GRIN2A: variants seen among roughly 807,000 people sequenced by gnomAD.
GRIN2A encodes glutamate ionotropic receptor NMDA type subunit 2A, also known as glutamate receptor ionotropic, NMDA 2A.
GRIN2A carries 22 observed loss-of-function variants against 113.4 expected under a neutral mutation model. That is an observed-to-expected ratio of 0.19 (90% CI 0.14 to 0.28). The LOEUF is 0.28. Among genes scored for constraint, GRIN2A ranks in the 10% least tolerant of loss-of-function variants. The pLI, the probability that GRIN2A is intolerant of heterozygous loss-of-function variation, is 1.00. For missense variants in GRIN2A, 1,502 were observed against 1,887.0 expected, an observed-to-expected ratio of 0.80 and a Z score of 3.78; for synonymous variants, 827 against 738.4, an observed-to-expected ratio of 1.12 and a Z score of -1.94.
At chr16:10,146,239 T>G (rs1266039050) in intron 2 of GRIN2A, among the ~76,000 whole-genome samples, 1 of 152,194 alleles carries the variant, frequency 6.6e-6, no homozygotes, top group Non-Finnish European at 1.5e-5. Context: ...TGCCTCAGCC[T>G]CCTGAGTAGC....
At chr16:10,004,714 G>A (rs1302547207) in intron 2 of GRIN2A, among the ~76,000 whole-genome samples, 1 of 152,132 alleles carries the variant, frequency 6.6e-6, no homozygotes, top group African/African-American at 2.4e-5. Flanking sequence ...CCTGGTAGTA[G>A]AATCTCCCTG....
chr16:9,823,856 CT>C (rs2042334945), intron 9 of GRIN2A, among the ~76,000 whole-genome samples: 1 of 152,150 alleles, frequency 6.6e-6, no homozygotes, highest in African/African-American at 2.4e-5. Flanking sequence ...GCTATTGACT[CT>C]CTCCTCATCT....
At chr16:9,878,220 T>C (rs1015031410) in intron 4 of GRIN2A, among the ~76,000 whole-genome samples, 5 of 152,194 alleles carry the variant, frequency 3.3e-5, no homozygotes, top group Non-Finnish European at 7.3e-5. Context: ...ATGTTCCATA[T>C]GACCGAATGT....
In GRIN2A at chr16:9,925,111, T is replaced by C. The variant is rs116353257; in HGVS notation, c.1007+12848A>G. Among the ~76,000 whole-genome samples, 836 of 152,350 alleles carry C rather than the reference T, an allele frequency of 5.5e-3. 6 individuals are homozygous for C. The highest frequency in any genetic ancestry group is 0.017 in the African/African-American group (715 of 41,572). The stretch of plus-strand genomic sequence containing the variant: ...CTTTTTTCGTGCTGATATTTTTGTA[T>C]TACTATAAATATCACTGAGCTCTGT... On this transcript the variant is annotated intron_variant, in intron 3 of 12. Transcript: ENST00000330684.
At chr16:9,984,598 G>C (rs533673752) in intron 2 of GRIN2A, among the ~76,000 whole-genome samples, 25 of 152,118 alleles carry the variant, frequency 1.6e-4, no homozygotes, top group African/African-American at 6.0e-4. Context: ...CACCATTTCT[G>C]CTGTAGCTGT....
intron 2 of GRIN2A, among the ~76,000 whole-genome samples, chr16:10,032,083 A>G (rs1158443331): frequency 6.6e-6 from 1 of 152,200 alleles, no homozygotes; most frequent in Non-Finnish European, 1.5e-5. Flanking sequence ...CTTTTTTGAA[A>G]TATGTCCCTC....
rs565739608 is a variant in GRIN2A at position 10,019,282 on chromosome 16, T to G, written c.415-80731A>C. The stretch of plus-strand genomic sequence containing the variant: ...TGTCTGGCATGTGACAAGCATTTGA[T>G]ACATGAAAGCTACTGTTTATCATTG... On this transcript the variant is annotated intron_variant, in intron 2 of 12. Coordinates refer to ENST00000330684, the MANE Select transcript of GRIN2A (RefSeq NM_001134407.3). 2.0e-4 allele frequency among the ~76,000 whole-genome samples: 30 copies of G among 152,346 alleles called. No homozygotes were observed. The South Asian group carries it at 4.3e-3, about 22-fold the overall frequency.
At chr16:9,966,382 T>C (rs2045556891) in intron 2 of GRIN2A, among the ~76,000 whole-genome samples, 2 of 152,174 alleles carry the variant, frequency 1.3e-5, no homozygotes, top group Admixed American at 6.5e-5. Context: ...TGGTTATCTG[T>C]TCCTGTGTTA....
intron 3 of GRIN2A, among the ~76,000 whole-genome samples, chr16:9,934,553 C>T (rs1000082121): frequency 2.0e-5 from 3 of 151,338 alleles, no homozygotes; most frequent in Non-Finnish European, 4.4e-5. Context: ...TGGTAGTGCG[C>T]ACCTGTAGTC....
At chr16:10,142,206 C>T (rs1247154687) in intron 2 of GRIN2A, among the ~76,000 whole-genome samples, 2 of 151,928 alleles carry the variant, frequency 1.3e-5, no homozygotes, top group Non-Finnish European at 2.9e-5. Context: ...GAAATGAGAG[C>T]AAAGTAAGGA....
chr16:10,131,671 G>A (rs1431209005), intron 2 of GRIN2A, among the ~76,000 whole-genome samples: 1 of 152,142 alleles, frequency 6.6e-6, no homozygotes, highest in Non-Finnish European at 1.5e-5. Context: ...CTTCCTGGGA[G>A]ACATGGCTTT....
At chr16:10,148,590 G>C (rs1006444823) in intron 2 of GRIN2A, among the ~76,000 whole-genome samples, 6 of 152,164 alleles carry the variant, frequency 3.9e-5, no homozygotes, top group African/African-American at 1.2e-4. Context: ...AGCAGAGCTA[G>C]AGATATCTCC....
Position 9,909,907 on chromosome 16 carries a change from G to C in GRIN2A, c.1008-18807C>G, listed in dbSNP as rs1596572350. Among the ~76,000 whole-genome samples the C allele has an allele frequency of 2.6e-5, 4 of 152,078 alleles. No homozygotes were observed. The South Asian group carries it at 8.3e-4, about 32-fold the overall frequency. On this transcript the variant is annotated intron_variant, in intron 3 of 12. Transcript: ENST00000330684. ...GTACTATGTTAACAATACCACAGAG[G>C]GCTTACAGATCTAGCAAAAAGTAAT...
At chr16:9,961,806 G>A (rs9932694) in intron 2 of GRIN2A, among the ~76,000 whole-genome samples, 1,681 of 152,162 alleles carry the variant, frequency 0.011, 26 homozygotes, top group African/African-American at 0.039. Context: ...CCAAAAAAGA[G>A]CCCACAATGC....
At chr16:9,968,886 G>C (rs1419894295) in intron 2 of GRIN2A, among the ~76,000 whole-genome samples, 1 of 152,168 alleles carries the variant, frequency 6.6e-6, no homozygotes, top group Non-Finnish European at 1.5e-5. Context: ...GTAATTACAG[G>C]TGTGAGCCAC....
In GRIN2A at chr16:9,757,882, A is replaced by AACAAAAC. The variant is rs1454452097; in HGVS notation, c.*5260_*5266dup. On this transcript the variant is annotated 3_prime_UTR_variant, in exon 13 of 13. Transcript: ENST00000330684. ...TCTGGGGCAAGTGGCAAAAACAAAA[A>AACAAAAC]ACAAAACAAAACAAAAACCAGGGCA... The AACAAAAC allele has an allele frequency of 4.4e-6, 1 of 225,524 alleles. No individual in the cohort carries two copies. The highest frequency in any genetic ancestry group is 6.3e-5 in the East Asian group (1 of 15,880). The allele number at this position is 225,524 out of a possible 1,614,324, so 14.0% of individuals were successfully genotyped here. A position where few individuals can be genotyped will look rare whatever the true frequency, so the allele number is the denominator to read the frequency against.
intron 7 of GRIN2A, among the ~76,000 whole-genome samples, chr16:9,836,296 A>C (rs779222315): frequency 8.5e-5 from 13 of 152,208 alleles, no homozygotes; most frequent in Non-Finnish European, 1.0e-4. Flanking sequence ...TAAAGCCAGA[A>C]ATACTGGGGC....
At chr16:10,168,447 A>G (rs1298310653) in intron 2 of GRIN2A, among the ~76,000 whole-genome samples, 4 of 152,168 alleles carry the variant, frequency 2.6e-5, no homozygotes, top group Admixed American at 2.6e-4. Context: ...TTAAAAATCA[A>G]GGATTTGAGA....
chr16:10,101,032 CT>C (rs1046597304), intron 2 of GRIN2A, among the ~76,000 whole-genome samples: 51 of 152,360 alleles, frequency 3.3e-4, no homozygotes, highest in African/African-American at 1.1e-3. Flanking sequence ...TTCACTTCCG[CT>C]TTTGAGCTGA....
Sources: gnomAD v4.1 joint callset for allele counts (sites outside exome capture counted in the v4.1 genomes callset) on GRCh38, gnomAD v4.1.1 for gene constraint, MANE v1.5 for transcripts, NCBI Gene and HGNC (gene_info 2026-07-23, HGNC 2026-07-21) for gene names.